Variants in RAB6B observed in about 807,000 individuals in gnomAD.
RAB6B encodes ras-related protein Rab-6B.
Under a neutral mutation model 31.2 loss-of-function variants are expected in RAB6B, and 7 were observed. The observed-to-expected ratio is 0.22, with a 90% confidence interval of 0.13 to 0.42. RAB6B has a LOEUF of 0.42. Among genes scored for constraint, RAB6B ranks in the 10% least tolerant of loss-of-function variants. The pLI, the probability that RAB6B is intolerant of heterozygous loss-of-function variation, is 1.00. For synonymous variants in RAB6B, 105 were observed against 104.9 expected (o/e 1.00, Z -0.01); for missense variants, 149 against 280.6 (o/e 0.53, Z 3.35).
intron 2 of RAB6B, among the ~76,000 whole-genome samples, chr3:133,858,868 ATTT>A (rs1214726043): frequency 6.6e-6 from 1 of 152,110 alleles, no homozygotes; most frequent in East Asian, 1.9e-4. Context: ...TTAGTACTGC[ATTT>A]TTTTAACCTG....
chr3:133,828,680 A>G lies in RAB6B; in HGVS notation c.*108T>C. The G allele has an allele frequency of 1.7e-6, 2 of 1,156,548 alleles. No homozygotes were observed. Among genetic ancestry groups the G allele is most frequent in the African/African-American group, 1.5e-5 (1 of 66,256 alleles). 71.6% of individuals were successfully genotyped at this position (1,156,548 alleles called of 1,614,324 possible). A position where few individuals can be genotyped will look rare whatever the true frequency, so the allele number is the denominator to read the frequency against. On this transcript the variant is annotated 3_prime_UTR_variant, in exon 8 of 8. Coordinates refer to ENST00000285208, the MANE Select transcript of RAB6B (RefSeq NM_016577.4). ...CTCCTAAAGACAGAGAGAAAAGAAA[A>G]ATCCTCCCATCTTGATAACTCGGTT...
chr3:133,855,895 T>C (rs1936068700), intron 2 of RAB6B, among the ~76,000 whole-genome samples: 1 of 152,138 alleles, frequency 6.6e-6, no homozygotes, highest in Non-Finnish European at 1.5e-5. Context: ...CTCTAGAGGC[T>C]AACGGTAATG....
chr3:133,855,746 A>G (rs1936066198), intron 2 of RAB6B, among the ~76,000 whole-genome samples: 1 of 152,202 alleles, frequency 6.6e-6, no homozygotes, highest in African/African-American at 2.4e-5. Context: ...CCTGGAGCAG[A>G]GAACTGCATC....
chr3:133,895,319 G>C, intron 1 of RAB6B, 78 bp downstream of exon 1: 1 of 1,473,196 alleles, frequency 6.8e-7, no homozygotes. Context: ...AGCCTGGGCC[G>C]GGGGTCCCAA....
chr3:133,878,955 C>T (rs781514272), intron 1 of RAB6B, among the ~76,000 whole-genome samples: 1 of 152,182 alleles, frequency 6.6e-6, no homozygotes, highest in African/African-American at 2.4e-5. Flanking sequence ...GATACCCACA[C>T]ATTCACACTT....
chr3:133,833,549 G>A (rs1935687453), intron 7 of RAB6B, among the ~76,000 whole-genome samples: 3 of 152,172 alleles, frequency 2.0e-5, no homozygotes, highest in Admixed American at 6.5e-5. Flanking sequence ...GGGACTCCTG[G>A]TGTCCTGCCC....
chr3:133,872,711 G>A (rs567798174), intron 1 of RAB6B, among the ~76,000 whole-genome samples: 49 of 152,328 alleles, frequency 3.2e-4, no homozygotes, highest in Admixed American at 8.5e-4. Flanking sequence ...CTGGCTCACC[G>A]TAGGCTAAAT....
At chr3:133,867,932 G>A (rs922463499) in intron 1 of RAB6B, among the ~76,000 whole-genome samples, 11 of 152,052 alleles carry the variant, frequency 7.2e-5, no homozygotes, top group Non-Finnish European at 1.5e-4. Flanking sequence ...CTCAGAGCCC[G>A]CTAAGACTAC....
chr3:133,841,262 C>T, intron 4 of RAB6B, 23 bp downstream of exon 4: 2 of 1,613,698 alleles, frequency 1.2e-6, no homozygotes. Context: ...GCCACCCTCC[C>T]TTAGGAGCAG....
chr3:133,840,249 C>T (rs1025023964), intron 4 of RAB6B, among the ~76,000 whole-genome samples: 4 of 152,174 alleles, frequency 2.6e-5, no homozygotes, highest in African/African-American at 9.7e-5. Context: ...GAGACAAGGC[C>T]ACTTCTGGGC....
chr3:133,829,262 G>T lies in RAB6B; in HGVS notation c.563-410C>A, dbSNP rs151278239. ...TGGGTTCACATCTCAAAGCACAGGGGTATGTGGGCCTTGCCTAATTGGCAG... is the reference window on the plus strand; with the variant it reads ...TGGGTTCACATCTCAAAGCACAGGGTTATGTGGGCCTTGCCTAATTGGCAG... On this transcript the variant is annotated intron_variant, in intron 7 of 7. Transcript: ENST00000285208. Among the ~76,000 whole-genome samples, 691 of 152,318 alleles carry T rather than the reference G, an allele frequency of 4.5e-3. 3 individuals carry two copies. Among genetic ancestry groups the T allele is most frequent in the African/African-American group, 0.015 (629 of 41,572 alleles).
intron 1 of RAB6B, among the ~76,000 whole-genome samples, chr3:133,876,737 A>C (rs1486915010): frequency 6.6e-6 from 1 of 152,198 alleles, no homozygotes; most frequent in East Asian, 1.9e-4. Flanking sequence ...GAAAGTTCTC[A>C]AAAAGAGTCT....
chr3:133,844,174 C>T (rs1312608159), intron 2 of RAB6B, among the ~76,000 whole-genome samples: 1 of 152,190 alleles, frequency 6.6e-6, no homozygotes, highest in Admixed American at 6.5e-5. Context: ...GATGAAGTCC[C>T]AGCAAAGCTC....
At chr3:133,880,045 T>C (rs531731131) in intron 1 of RAB6B, among the ~76,000 whole-genome samples, 1 of 152,314 alleles carries the variant, frequency 6.6e-6, no homozygotes, top group South Asian at 2.1e-4. Flanking sequence ...ATTTGAGCAG[T>C]TGCATGGGTG....
intron 1 of RAB6B, among the ~76,000 whole-genome samples, chr3:133,884,281 T>TA (rs1460619807): frequency 2.0e-5 from 3 of 152,162 alleles, no homozygotes; most frequent in Non-Finnish European, 4.4e-5. Context: ...TTTCAAAACT[T>TA]AAAGCAGATC....
At chr3:133,858,178 C>G (rs1442231676) in intron 2 of RAB6B, among the ~76,000 whole-genome samples, 1 of 152,204 alleles carries the variant, frequency 6.6e-6, no homozygotes, top group Non-Finnish European at 1.5e-5. Context: ...ACTCACCCAC[C>G]AGGCACGAGG....
chr3:133,863,946 C>A (rs1203045812), intron 2 of RAB6B, among the ~76,000 whole-genome samples: 1 of 152,178 alleles, frequency 6.6e-6, no homozygotes, highest in Non-Finnish European at 1.5e-5. Context: ...GTTATTAACC[C>A]CCAAGAACTT....
chr3:133,861,425 C>T (rs1936159606), intron 2 of RAB6B, among the ~76,000 whole-genome samples: 1 of 152,234 alleles, frequency 6.6e-6, no homozygotes, highest in South Asian at 2.1e-4. Flanking sequence ...AAGACCTGCT[C>T]CCCTGAGGCA....
In RAB6B at chr3:133,883,272, C is replaced by T. The variant is rs73861247; in HGVS notation, c.70+12125G>A. ...GTGCTGGAAAACACCCTCCCTCAAC[C>T]TCCAAGGCAAGGTAACAGCCTTTCT... On this transcript the variant is annotated intron_variant, in intron 1 of 7. Transcript: ENST00000285208. Among the ~76,000 whole-genome samples the T allele has an allele frequency of 1.4e-3, 210 of 152,324 alleles. 1 individual carries two copies. Among genetic ancestry groups the T allele is most frequent in the African/African-American group, 5.0e-3 (209 of 41,570 alleles).
Sources: allele counts gnomAD v4.1 joint callset (sites outside exome capture counted in the v4.1 genomes callset), GRCh38; gene constraint gnomAD v4.1.1; transcripts MANE v1.5; gene names NCBI Gene and HGNC (gene_info 2026-07-23, HGNC 2026-07-21).